The following NRP1 variants were observed in gnomAD, a reference collection of about 807,000 sequenced individuals.
NRP1 encodes the protein neuropilin 1.
In NRP1, 35 loss-of-function variants were observed where a neutral mutation model predicts 106.7. The observed-to-expected ratio is 0.33, with a 90% CI of 0.25 to 0.43. The LOEUF is 0.43. Among genes scored for constraint, NRP1 ranks in the 20% least tolerant of loss-of-function variants. NRP1 has a pLI of 1.00. For missense variants in NRP1, 1,024 were observed against 1,170.4 expected (o/e 0.87, Z 1.83); for synonymous variants, 437 against 417.9 (o/e 1.05, Z -0.56).
intron 2 of NRP1, among the ~76,000 whole-genome samples, chr10:33,327,210 C>T (rs756136506): frequency 2.0e-5 from 3 of 151,996 alleles, no homozygotes; most frequent in Non-Finnish European, 4.4e-5. Context: ...TTAGTTTTGA[C>T]GTATGTTTAG....
At chr10:33,257,158 T>C (rs1842253646) in intron 4 of NRP1, among the ~76,000 whole-genome samples, 1 of 152,182 alleles carries the variant, frequency 6.6e-6, no homozygotes. Context: ...ACTTATAATC[T>C]AAATGAAATA....
chr10:33,182,831 ATG>A (rs1835769630), intron 15 of NRP1, 83 bp from the exon 16 acceptor site: 1 of 876,592 alleles, frequency 1.1e-6, no homozygotes. Context: ...CTTTAGGTAC[ATG>A]CACACACACA....
At chr10:33,256,204 G>A (rs1842184687) in intron 5 of NRP1, 112 bp downstream of exon 5, 2 of 996,708 alleles carry the variant, frequency 2.0e-6, no homozygotes, top group Non-Finnish European at 3.0e-6. Flanking sequence ...ACAGACAGCT[G>A]GCACCCCAGT....
At chr10:33,270,071 C>T (rs1269690995) in intron 3 of NRP1, among the ~76,000 whole-genome samples, 10 of 152,204 alleles carry the variant, frequency 6.6e-5, no homozygotes, top group Admixed American at 5.9e-4. Flanking sequence ...TGAAGCTGGT[C>T]CCTGATGCCA....
intron 4 of NRP1, among the ~76,000 whole-genome samples, chr10:33,258,539 C>G (rs1292735083): frequency 6.6e-6 from 1 of 152,188 alleles, no homozygotes; most frequent in Non-Finnish European, 1.5e-5. Context: ...GGGCATCACG[C>G]TGTCACGGAC....
At chr10:33,322,205 T>C (rs565929136) in intron 2 of NRP1, among the ~76,000 whole-genome samples, 9 of 152,210 alleles carry the variant, frequency 5.9e-5, no homozygotes, top group African/African-American at 2.2e-4. Context: ...TATGCCCTTT[T>C]ACCAATTGAA....
intron 2 of NRP1, among the ~76,000 whole-genome samples, chr10:33,301,845 G>C (rs1719684367): frequency 1.3e-5 from 2 of 152,134 alleles, no homozygotes; most frequent in African/African-American, 4.8e-5. Context: ...CATTCTTGGG[G>C]AATAAGTGTA....
intron 2 of NRP1, among the ~76,000 whole-genome samples, chr10:33,319,032 T>G (rs1384506711): frequency 2.3e-5 from 3 of 133,044 alleles, no homozygotes; most frequent in Non-Finnish European, 4.7e-5. Context: ...TGAGACGGAG[T>G]CTCGCTCTGT....
intron 2 of NRP1, among the ~76,000 whole-genome samples, chr10:33,295,659 T>C (rs975040987): frequency 1.3e-5 from 2 of 152,160 alleles, no homozygotes; most frequent in African/African-American, 4.8e-5. Context: ...CAGTGAGCCA[T>C]GATCATATCA....
At chr10:33,317,152 A>G (rs1166212586) in intron 2 of NRP1, among the ~76,000 whole-genome samples, 1 of 152,224 alleles carries the variant, frequency 6.6e-6, no homozygotes, top group Non-Finnish European at 1.5e-5. Context: ...TCCCAGCCAC[A>G]TCTGTAGCCA....
intron 2 of NRP1, among the ~76,000 whole-genome samples, chr10:33,302,298 T>G (rs1845857075): frequency 6.6e-6 from 1 of 152,254 alleles, no homozygotes; most frequent in Non-Finnish European, 1.5e-5. Context: ...CCTGCCCTTC[T>G]GGGTTCCTAT....
At chr10:33,314,336 C>G (rs527309995) in intron 2 of NRP1, among the ~76,000 whole-genome samples, 196 of 152,322 alleles carry the variant, frequency 1.3e-3, no homozygotes, top group African/African-American at 4.4e-3. Flanking sequence ...ATCTTGGTCT[C>G]CCAAAGTATT....
chr10:33,331,693 G>A (rs1048292510), intron 1 of NRP1, among the ~76,000 whole-genome samples: 1 of 152,178 alleles, frequency 6.6e-6, no homozygotes, highest in Non-Finnish European at 1.5e-5. Context: ...GTAGTTTTGA[G>A]CCTTCATTTC....
rs545089111 is a variant in NRP1, at chr10:33,257,879, T to C, written c.659-1408A>G. Among the ~76,000 whole-genome samples, 71 of 152,104 alleles carry C rather than the reference T, an allele frequency of 4.7e-4. 1 individual carries two copies. Among genetic ancestry groups the C allele is most frequent in the African/African-American group, 1.6e-3 (68 of 41,512 alleles). On this transcript the variant is annotated intron_variant, in intron 4 of 16. Coordinates refer to ENST00000374867, the MANE Select transcript of NRP1 (RefSeq NM_003873.7). ...GCAAAAACATACCAGATGGTTTGGG[T>C]TTAGAAGGACAATATGGTGTGGACT... is the stretch of plus-strand genomic sequence containing the variant.
chr10:33,237,401 C>T (rs996130228), intron 6 of NRP1, among the ~76,000 whole-genome samples: 3 of 151,766 alleles, frequency 2.0e-5, no homozygotes, highest in Non-Finnish European at 2.9e-5. Flanking sequence ...AAGTGGACCT[C>T]ATAGGACAGG....
intron 9 of NRP1, chr10:33,213,019 T>G: frequency 1.8e-6 from 1 of 552,044 alleles, no homozygotes; most frequent in Non-Finnish European, 3.2e-6. Context: ...TAGGGGTAGG[T>G]TTGAGATGGG....
intron 2 of NRP1, among the ~76,000 whole-genome samples, chr10:33,326,468 C>A (rs1717911256): frequency 6.6e-6 from 1 of 152,164 alleles, no homozygotes; most frequent in African/African-American, 2.4e-5. Context: ...AACATTCCTT[C>A]CTCTCCCTCA....
At chr10:33,290,348 GTT>G (rs10718716) in intron 2 of NRP1, among the ~76,000 whole-genome samples, 10,260 of 135,762 alleles carry the variant, frequency 0.076, 417 homozygotes, top group Middle Eastern at 0.11. Flanking sequence ...TTACCAAGAG[GTT>G]TTTTTTTTTT....
chr10:33,188,703 C>G (rs1038930836), intron 13 of NRP1, among the ~76,000 whole-genome samples: 2 of 151,666 alleles, frequency 1.3e-5, no homozygotes, highest in Non-Finnish European at 1.5e-5. Flanking sequence ...ATGACAAAAC[C>G]ATGTCTCTAC....
Sources: gnomAD v4.1 joint callset for allele counts (sites outside exome capture counted in the v4.1 genomes callset) on GRCh38, gnomAD v4.1.1 for gene constraint, MANE v1.5 for transcripts, NCBI Gene and HGNC (gene_info 2026-07-23, HGNC 2026-07-21) for gene names.